LHFPL3: variants seen among roughly 807,000 people sequenced by gnomAD.
LHFPL3 encodes LHFPL tetraspan subfamily member 3.
Under a neutral mutation model 19.3 loss-of-function variants are expected in LHFPL3, and 5 were observed. The observed-to-expected ratio is 0.26, with a 90% CI of 0.14 to 0.54. The LOEUF (loss-of-function observed/expected upper bound fraction) is 0.54. Among genes scored for constraint, LHFPL3 ranks in the 20% least tolerant of loss-of-function variants. The pLI, the probability that LHFPL3 is intolerant of heterozygous loss-of-function variation, is 0.94. For missense variants in LHFPL3, 249 were observed against 307.4 expected (o/e 0.81, Z 1.42); for synonymous variants, 133 against 126.2 (o/e 1.05, Z -0.36).
chr7:104,509,466 G>T (rs931928761), intron 1 of LHFPL3, among the ~76,000 whole-genome samples: 13 of 151,804 alleles, frequency 8.6e-5, no homozygotes, highest in Non-Finnish European at 1.3e-4. Flanking sequence ...ATATTCACAG[G>T]CTAAAGAAGA....
chr7:104,831,715 A>C (rs183989306), intron 2 of LHFPL3, among the ~76,000 whole-genome samples: 51 of 146,882 alleles, frequency 3.5e-4, no homozygotes, highest in African/African-American at 7.6e-4. Context: ...CACACACACA[A>C]AAAAAAGATG....
At chr7:104,603,066 T>TTTC (rs1791002946) in intron 1 of LHFPL3, among the ~76,000 whole-genome samples, 1 of 108,904 alleles carries the variant, frequency 9.2e-6, no homozygotes, top group Non-Finnish European at 1.8e-5. Context: ...CTTTCTTTCT[T>TTTC]TTTCTTTCTT....
chr7:104,777,260 G>C (rs879401312), intron 2 of LHFPL3, among the ~76,000 whole-genome samples: 4 of 152,224 alleles, frequency 2.6e-5, no homozygotes, highest in Non-Finnish European at 5.9e-5. Context: ...AGTGTTTCCA[G>C]TATGGTTTTT....
At chr7:104,554,772 C>G (rs1008753480) in intron 1 of LHFPL3, among the ~76,000 whole-genome samples, 1 of 152,158 alleles carries the variant, frequency 6.6e-6, no homozygotes, top group South Asian at 2.1e-4. Context: ...AATAGGCTGT[C>G]TGTAAGCTGG....
intron 1 of LHFPL3, among the ~76,000 whole-genome samples, chr7:104,454,744 C>T (rs1792507776): frequency 6.6e-6 from 1 of 152,176 alleles, no homozygotes; most frequent in African/African-American, 2.4e-5. Context: ...GTTTCCTTCT[C>T]TACCATCTTT....
At chr7:104,550,325 A>C (rs557735845) in intron 1 of LHFPL3, among the ~76,000 whole-genome samples, 3 of 151,940 alleles carry the variant, frequency 2.0e-5, no homozygotes, top group African/African-American at 7.3e-5. Context: ...ACATAAAGTT[A>C]ACCATCACAG....
intron 1 of LHFPL3, among the ~76,000 whole-genome samples, chr7:104,538,886 A>G (rs985564049): frequency 6.6e-6 from 1 of 152,158 alleles, no homozygotes; most frequent in Admixed American, 6.6e-5. Flanking sequence ...GGCTCAATCT[A>G]TTATCATGGG....
Position 104,832,960 on chromosome 7 carries a change from G to GTATATATA in LHFPL3, c.683-73217_683-73210dup, listed in dbSNP as rs71748649. ...TCTAGAGGGACAGAACTAATAGGAT[G>GTATATATA]TATATATATATATATATCCTGGGTT... On this transcript the variant is annotated intron_variant, in intron 2 of 2. Transcript: ENST00000424859. 1.3e-3 allele frequency among the ~76,000 whole-genome samples: 84 copies of GTATATATA among 62,922 alleles called. 1 individual carries two copies. Among genetic ancestry groups the GTATATATA allele is most frequent in the Middle Eastern group, 8.3e-3 (1 of 120 alleles). The allele number at this position is 62,922 out of a possible 152,430, so 41.3% of individuals were successfully genotyped here. A position where few individuals can be genotyped will look rare whatever the true frequency, so the allele number is the denominator to read the frequency against.
chr7:104,556,410 A>C (rs1462320807), intron 1 of LHFPL3, among the ~76,000 whole-genome samples: 1 of 152,206 alleles, frequency 6.6e-6, no homozygotes, highest in Non-Finnish European at 1.5e-5. Flanking sequence ...CACAGGCTCA[A>C]TACCATGTGG....
chr7:104,657,021 T>A (rs1792133540), intron 1 of LHFPL3, among the ~76,000 whole-genome samples: 1 of 152,232 alleles, frequency 6.6e-6, no homozygotes, highest in Non-Finnish European at 1.5e-5. Flanking sequence ...TTTTGAAAGG[T>A]ATTTCTAAAT....
intron 1 of LHFPL3, among the ~76,000 whole-genome samples, chr7:104,432,644 C>T (rs767011236): frequency 6.6e-6 from 1 of 152,132 alleles, no homozygotes. Flanking sequence ...TTGGCCATTA[C>T]CAAGCAGATG....
At chr7:104,806,462 A>G (rs1372918940) in intron 2 of LHFPL3, among the ~76,000 whole-genome samples, 1 of 152,234 alleles carries the variant, frequency 6.6e-6, no homozygotes, top group Non-Finnish European at 1.5e-5. Flanking sequence ...CATTACAAAT[A>G]GGAGTTTTAG....
At chr7:104,441,967 G>T (rs191146871) in intron 1 of LHFPL3, among the ~76,000 whole-genome samples, 31 of 152,184 alleles carry the variant, frequency 2.0e-4, no homozygotes, top group African/African-American at 7.0e-4. Flanking sequence ...AAGAAGTCTC[G>T]GTACTGTTTT....
At chr7:104,472,590 A>C (rs1371954174) in intron 1 of LHFPL3, among the ~76,000 whole-genome samples, 3 of 152,184 alleles carry the variant, frequency 2.0e-5, no homozygotes, top group Non-Finnish European at 4.4e-5. Flanking sequence ...TATGTGCGTG[A>C]GTATTTGCAA....
At chr7:104,835,292 A>C (rs1791069178) in intron 2 of LHFPL3, among the ~76,000 whole-genome samples, 1 of 148,410 alleles carries the variant, frequency 6.7e-6, no homozygotes, top group African/African-American at 2.5e-5. Context: ...TCCATCAACC[A>C]ACATTTGCTG....
intron 1 of LHFPL3, among the ~76,000 whole-genome samples, chr7:104,565,130 C>G (rs1019991900): frequency 6.6e-6 from 1 of 152,044 alleles, no homozygotes; most frequent in African/African-American, 2.4e-5. Flanking sequence ...AATAGTGGAC[C>G]AGTAGATTTT....
In LHFPL3 at chr7:104,702,393, A is replaced by G. The variant is rs887145702; in HGVS notation, c.446-34282A>G. Among the ~76,000 whole-genome samples the G allele has an allele frequency of 7.9e-5, 12 of 152,182 alleles. No homozygotes were observed. The East Asian group carries it at 2.3e-3, about 29-fold the overall frequency. On this transcript the variant is annotated intron_variant, in intron 1 of 2. Coordinates refer to ENST00000424859, the MANE Select transcript of LHFPL3 (RefSeq NM_199000.3). ...TCTTTCTGGTTCTTGCTCTTGTCAC[A>G]GCTTTCCTCAAATATCTACTAATCC...
chr7:104,428,121 T>C (rs904757796), intron 1 of LHFPL3, among the ~76,000 whole-genome samples: 1 of 152,206 alleles, frequency 6.6e-6, no homozygotes, highest in African/African-American at 2.4e-5. Flanking sequence ...ACTTAGAACA[T>C]ATTCAAATTA....
intron 1 of LHFPL3, among the ~76,000 whole-genome samples, chr7:104,331,113 G>C (rs978683281): frequency 6.6e-6 from 1 of 152,216 alleles, no homozygotes; most frequent in Non-Finnish European, 1.5e-5. Flanking sequence ...CTTTGAGAAA[G>C]AAATACCAGC....
Sources: gnomAD v4.1 joint callset for allele counts (sites outside exome capture counted in the v4.1 genomes callset) on GRCh38, gnomAD v4.1.1 for gene constraint, MANE v1.5 for transcripts, NCBI Gene and HGNC (gene_info 2026-07-23, HGNC 2026-07-21) for gene names.